CD163: variants seen among roughly 807,000 people sequenced by gnomAD.
The protein encoded by CD163 is CD163 molecule.
In CD163, 64 loss-of-function variants were observed where a neutral mutation model predicts 129.2. That is an observed-to-expected ratio of 0.50 (90% CI 0.41 to 0.61). CD163 has a LOEUF of 0.61. Ranked by LOEUF, CD163 falls within the 20% of genes least tolerant of loss-of-function variation. The probability of loss-of-function intolerance (pLI) is 0.00; values close to 1 mark genes in which losing one functional copy is unlikely to be tolerated. For missense variants in CD163, 1,061 were observed against 1,377.9 expected (o/e 0.77, Z 3.64); for synonymous variants, 446 against 478.5 (o/e 0.93, Z 0.89).
In CD163 at chr12:7,496,947, C is replaced by G. The variant is rs1366927072; in HGVS notation, c.965G>C (p.Ser322Thr). 1.2e-6 allele frequency: 2 copies of G among 1,614,126 alleles called. No homozygotes were observed. The highest frequency in any genetic ancestry group is 1.7e-6 in the Non-Finnish European group (2 of 1,180,006). Residue 322 changes from serine (S) to threonine (T), a missense_variant, in exon 5 of 17, where the codon AGT (serine) becomes ACT (threonine). Physicochemically the swap from Ser to Thr is moderately conservative, Grantham distance 58. Coordinates refer to ENST00000432237, the MANE Select transcript of CD163 (RefSeq NM_203416.4). This position sits in a 1 kb window ranked among gnomAD's most constrained non-coding sequence, Gnocchi z 4.8. ...AAGCCAGATGTGTCCAAATCCCTTA[C>G]TGGCGTTAACTCGACCAATGGCTGT... is the stretch of plus-strand genomic sequence containing the variant. ...AVTAIGRVNASKGFGHIWLDS... is the reference protein window; with the variant it reads ...AVTAIGRVNATKGFGHIWLDS...
chr12:7,488,565 C>T (rs1341375176), intron 6 of CD163, among the ~76,000 whole-genome samples: 1 of 152,136 alleles, frequency 6.6e-6, no homozygotes, highest in Non-Finnish European at 1.5e-5. Context: ...ACGTCTGTTA[C>T]GTTTGGTATA....
At position 7,487,637 on chromosome 12, in the gene CD163, G is replaced by A. The variant is rs200565868; in HGVS notation, c.1772C>T (p.Pro591Leu). 1.0e-4 allele frequency: 162 copies of A among 1,613,994 alleles called. No individual in the cohort carries two copies. The highest frequency in any genetic ancestry group is 1.2e-4 in the Non-Finnish European group (137 of 1,180,012). The change falls in exon 8 of 17, where the codon CCG becomes CTG. Residue 591 changes from proline (P) to leucine (L), a missense_variant. By Grantham distance (98) the Pro-to-Leu change is moderately conservative. Coordinates refer to ENST00000432237, the MANE Select transcript of CD163 (RefSeq NM_203416.4). The surrounding 1 kb of genome is among the most constrained non-coding windows in gnomAD (Gnocchi z 5.1). Reference sequence around the variant, plus strand: ...TTTGAGCTCCACTCTGCCCTCACACGGGGTCTTGCCATTCACCAAGCGAAT... The same window carrying A: ...TTTGAGCTCCACTCTGCCCTCACACAGGGTCTTGCCATTCACCAAGCGAAT... ...TEIRLVNGKTPCEGRVELKTL... is the reference protein window; with the variant it reads ...TEIRLVNGKTLCEGRVELKTL...
chr12:7,479,342 T>G (rs76248955), intron 16 of CD163, among the ~76,000 whole-genome samples: 10,048 of 152,254 alleles, frequency 0.066, 415 homozygotes, highest in Middle Eastern at 0.099. Flanking sequence ...AAACTTCTTA[T>G]AGTTCCCTAA....
Position 7,488,056 on chromosome 12 carries a change from G to A in CD163, c.1452C>T (p.Asp484=). The A allele has an allele frequency of 6.2e-7, 1 of 1,613,724 alleles. No homozygotes were observed. Among genetic ancestry groups the A allele is most frequent in the Non-Finnish European group, 8.5e-7 (1 of 1,179,800 alleles). Residue 484 remains aspartate, a synonymous_variant, in exon 7 of 17, where the codon GAC becomes GAT. Coordinates refer to ENST00000432237, the MANE Select transcript of CD163 (RefSeq NM_203416.4). ...AHREPRLVGG[D]IPCSGRVEVK... The stretch of plus-strand genomic sequence containing the variant: ...CTTCAACACGTCCAGAACAGGGAAT[G>A]TCCCCTCCAACCAGTCTGGGTTCCC...
chr12:7,501,948 G>A (rs765347490), intron 2 of CD163, among the ~76,000 whole-genome samples: 4 of 152,254 alleles, frequency 2.6e-5, no homozygotes, highest in African/African-American at 9.6e-5. Context: ...ACGCTAGACT[G>A]AAACTTATCT....
At chr12:7,478,960 T>C (rs917971780) in intron 16 of CD163, among the ~76,000 whole-genome samples, 5 of 152,158 alleles carry the variant, frequency 3.3e-5, no homozygotes, top group Non-Finnish European at 7.4e-5. Context: ...AGCTTAACTA[T>C]ACGTCTTGTT....
At chr12:7,482,533 C>A in intron 14 of CD163, 110 bp downstream of exon 14, 1 of 1,238,150 alleles carries the variant, frequency 8.1e-7, no homozygotes, top group Non-Finnish European at 1.1e-6. Context: ...ACTGCTCAAA[C>A]CTCTTTTAGA....
chr12:7,499,255 T>G, intron 3 of CD163, 67 bp from the exon 4 acceptor site: 2 of 1,384,520 alleles, frequency 1.4e-6, no homozygotes, highest in Non-Finnish European at 2.0e-6. Flanking sequence ...GAAAAGAAGT[T>G]TCCTCTGGAC....
At position 7,503,760 on chromosome 12, in the gene CD163, A is replaced by G; in HGVS notation, c.-70T>C. The G allele has an allele frequency of 1.0e-6, 1 of 964,368 alleles. No individual in the cohort carries two copies. The highest frequency in any genetic ancestry group is 1.6e-6 in the Non-Finnish European group (1 of 630,710). The allele number at this position is 964,368 out of a possible 1,614,324, so 59.7% of individuals were successfully genotyped here. ...ATTCCCTAGAAATGTTCTTCTAAAG[A>G]AAACAACTAAGAATTCTAAAAATCA... On this transcript the variant is annotated 5_prime_UTR_variant, in exon 1 of 17. Coordinates refer to ENST00000432237, the MANE Select transcript of CD163 (RefSeq NM_203416.4).
At position 7,487,284 on chromosome 12, in the gene CD163, C is replaced by T. The variant is rs1949264482; in HGVS notation, c.2050+75G>A. On this transcript the variant is annotated intron_variant, in intron 8 of 16. Coordinates refer to ENST00000432237, the MANE Select transcript of CD163 (RefSeq NM_203416.4). The surrounding 1 kb of genome is among the most constrained non-coding windows in gnomAD (Gnocchi z 5.1). ...CATGACCCTTCAAAATGGATCACTG[C>T]GTTTTACTTTTGTTCTTCATCCCTA... is the stretch of plus-strand genomic sequence containing the variant. The T allele has an allele frequency of 1.1e-5, 15 of 1,426,112 alleles. No homozygotes were observed. The highest frequency in any genetic ancestry group is 2.3e-5 in the East Asian group (1 of 43,024). 88.3% of individuals were successfully genotyped at this position (1,426,112 alleles called of 1,614,324 possible).
Position 7,485,010 on chromosome 12 carries a change from T to C in CD163, c.2779+86A>G. ...CTAACAATTTAAGCCAGTGTGAGAA[T>C]AGGAAAATAAAATCCAGTGTCCATT... is the stretch of plus-strand genomic sequence containing the variant. On this transcript the variant is annotated intron_variant, in intron 11 of 16. Coordinates refer to ENST00000432237, the MANE Select transcript of CD163 (RefSeq NM_203416.4). This position sits in a 1 kb window ranked among gnomAD's most constrained non-coding sequence, Gnocchi z 4.5. 5 of 1,217,288 alleles carry C rather than the reference T, an allele frequency of 4.1e-6. No individual in the cohort carries two copies. The highest frequency in any genetic ancestry group is 5.7e-6 in the Non-Finnish European group (5 of 871,258). The allele number at this position is 1,217,288 out of a possible 1,614,324, so 75.4% of individuals were successfully genotyped here.
chr12:7,478,025 T>G (rs1480300481), intron 16 of CD163, among the ~76,000 whole-genome samples: 1 of 152,178 alleles, frequency 6.6e-6, no homozygotes, highest in Non-Finnish European at 1.5e-5. Flanking sequence ...AAATGGAATA[T>G]TATTATATTT....
intron 16 of CD163, among the ~76,000 whole-genome samples, chr12:7,473,462 T>C (rs1380592029): frequency 6.6e-6 from 1 of 152,196 alleles, no homozygotes; most frequent in African/African-American, 2.4e-5. Context: ...GAATTTCATA[T>C]TCAGCCAAGC....
At position 7,495,067 on chromosome 12, in the gene CD163, A is replaced by G. The variant is rs778008066; in HGVS notation, c.1420+14T>C. 1.9e-6 allele frequency: 3 copies of G among 1,606,044 alleles called. No homozygotes were observed. In the East Asian group the frequency reaches 6.7e-5, roughly 36 times the overall value. ...TTACACCCTTCTTCTTAACAAGTTGATTGAAAGTCATACCTGAGCAGGTAA... is the reference window on the plus strand; with the variant it reads ...TTACACCCTTCTTCTTAACAAGTTGGTTGAAAGTCATACCTGAGCAGGTAA... On this transcript the variant is annotated intron_variant, in intron 6 of 16. Transcript: ENST00000432237.
intron 10 of CD163, 73 bp downstream of exon 10, chr12:7,486,426 T>C: frequency 7.2e-7 from 1 of 1,385,510 alleles, no homozygotes; most frequent in Middle Eastern, 2.2e-4. Context: ...ATCTTTAAGA[T>C]TAATACCCCT....
At chr12:7,494,468 C>G (rs1241335729) in intron 6 of CD163, among the ~76,000 whole-genome samples, 2 of 152,118 alleles carry the variant, frequency 1.3e-5, no homozygotes, top group Non-Finnish European at 2.9e-5. Context: ...GAGGTCTCTA[C>G]ATGTTTAATG....
chr12:7,473,955 G>A (rs776221268), intron 16 of CD163, among the ~76,000 whole-genome samples: 6 of 152,046 alleles, frequency 3.9e-5, no homozygotes, highest in Non-Finnish European at 7.4e-5. Context: ...TAGACCTTAA[G>A]CCAATAAAGA....
Position 7,498,878 on chromosome 12 carries a change from C to T in CD163, c.768G>A (p.Val256=), listed in dbSNP as rs267603682. 4 of 1,613,326 alleles carry T rather than the reference C, an allele frequency of 2.5e-6. No individual in the cohort carries two copies. Among genetic ancestry groups the T allele is most frequent in the Non-Finnish European group, 3.4e-6 (4 of 1,179,564 alleles). The change falls in exon 4 of 17, where the codon GTG becomes GTA. Residue 256 remains valine (V), a synonymous_variant. Coordinates refer to ENST00000432237, the MANE Select transcript of CD163 (RefSeq NM_203416.4). ...AAGATCAGTCCTTACTTGAGCAAAT[C>T]ACTCCAGCATCCTCAGCATGATCAC... The part of the protein sequence containing the change: ...HNCDHAEDAG[V]ICSKGADLSL...
Position 7,499,109 on chromosome 12 carries a change from C to A in CD163, c.537G>T (p.Arg179=). The change falls in exon 4 of 17, where the codon CGG becomes CGT. Residue 179 remains arginine (R), a synonymous_variant. Transcript: ENST00000432237. ...AGTTATCATCACACACTGTTCCCCA[C>A]CGTCCTTGGAATTTGATCTCTATTC... ...SGRIEIKFQG[R]WGTVCDDNFN... 1 of 1,614,126 alleles carries A rather than the reference C, an allele frequency of 6.2e-7. No homozygotes were observed. Among genetic ancestry groups the A allele is most frequent in the Non-Finnish European group, 8.5e-7 (1 of 1,180,012 alleles).
Sources: gnomAD v4.1 joint callset for allele counts (sites outside exome capture counted in the v4.1 genomes callset) on GRCh38, gnomAD v4.1.1 for gene constraint, Gnocchi (gnomAD v3.1) non-coding constraint, MANE v1.5 for transcripts, NCBI Gene and HGNC (gene_info 2026-07-23, HGNC 2026-07-21) for gene names.